Variants in NXPH1 observed in about 807,000 individuals in gnomAD.
The protein encoded by NXPH1 is neurexophilin 1.
In NXPH1, 5 loss-of-function variants were observed where a neutral mutation model predicts 23.7. That is an observed-to-expected ratio of 0.21 (90% CI 0.11 to 0.44). NXPH1 has a LOEUF of 0.44. Ranked by LOEUF, NXPH1 falls within the 20% of genes least tolerant of loss-of-function variation. The probability of loss-of-function intolerance (pLI) is 0.99; values close to 1 mark genes in which losing one functional copy is unlikely to be tolerated. For synonymous variants in NXPH1, 144 were observed against 122.2 expected (o/e 1.18, Z -1.18); for missense variants, 324 against 321.6 (o/e 1.01, Z -0.06).
intron 2 of NXPH1, among the ~76,000 whole-genome samples, chr7:8,578,440 C>T: frequency 6.6e-6 from 1 of 152,212 alleles, no homozygotes; most frequent in Non-Finnish European, 1.5e-5. Context: ...AGCAAATAGA[C>T]AGTTACAATT....
intron 2 of NXPH1, among the ~76,000 whole-genome samples, chr7:8,748,690 C>G (rs968594174): frequency 9.9e-5 from 15 of 152,198 alleles, no homozygotes; most frequent in African/African-American, 3.6e-4. Context: ...CTCGAGCTAG[C>G]AGCCTCAAAG....
intron 2 of NXPH1, among the ~76,000 whole-genome samples, chr7:8,469,241 G>T (rs1313953765): frequency 6.6e-6 from 1 of 151,334 alleles, no homozygotes; most frequent in East Asian, 1.9e-4. Context: ...TAAATTCTTG[G>T]ACTATTTTAG....
chr7:8,446,841 C>T (rs1442940965), intron 2 of NXPH1, among the ~76,000 whole-genome samples: 1 of 151,644 alleles, frequency 6.6e-6, no homozygotes, highest in Non-Finnish European at 1.5e-5. Context: ...GGTTAAAAAT[C>T]ATGGTGACAT....
At chr7:8,455,109 C>T (rs1816572437) in intron 2 of NXPH1, among the ~76,000 whole-genome samples, 1 of 152,058 alleles carries the variant, frequency 6.6e-6, no homozygotes, top group South Asian at 2.1e-4. Flanking sequence ...GGTAACCTTG[C>T]AATCGTATGC....
chr7:8,449,880 G>A (rs1045160915), intron 2 of NXPH1, among the ~76,000 whole-genome samples: 1 of 152,024 alleles, frequency 6.6e-6, no homozygotes, highest in Non-Finnish European at 1.5e-5. Flanking sequence ...TATTCTTTAG[G>A]GACTTCCCAT....
intron 2 of NXPH1, among the ~76,000 whole-genome samples, chr7:8,623,709 C>G (rs2115126678): frequency 6.7e-6 from 1 of 149,976 alleles, no homozygotes; most frequent in African/African-American, 2.5e-5. Context: ...ACTGAGAAGT[C>G]TCATATGTGC....
At chr7:8,693,066 G>C (rs116946334) in intron 2 of NXPH1, among the ~76,000 whole-genome samples, 1 of 152,058 alleles carries the variant, frequency 6.6e-6, no homozygotes, top group South Asian at 2.1e-4. Context: ...GGGGCAAGGA[G>C]GAAAAATTTA....
chr7:8,552,694 A>G (rs1818298628), intron 2 of NXPH1, among the ~76,000 whole-genome samples: 1 of 151,544 alleles, frequency 6.6e-6, no homozygotes, highest in South Asian at 2.1e-4. Context: ...GAAGGCACAG[A>G]AAAATACTCA....
intron 2 of NXPH1, among the ~76,000 whole-genome samples, chr7:8,562,399 G>A (rs759054556): frequency 1.4e-4 from 22 of 151,782 alleles, no homozygotes; most frequent in Non-Finnish European, 2.4e-4. Context: ...TTACAAAAGA[G>A]AGCTTTGTAA....
chr7:8,742,529 C>G (rs1212660046), intron 2 of NXPH1, among the ~76,000 whole-genome samples: 1 of 143,432 alleles, frequency 7.0e-6, no homozygotes, highest in Non-Finnish European at 1.6e-5. Context: ...GGTGATATAT[C>G]TGAATATACT....
At chr7:8,472,475 C>A (rs1170049997) in intron 2 of NXPH1, among the ~76,000 whole-genome samples, 1 of 152,056 alleles carries the variant, frequency 6.6e-6, no homozygotes, top group Non-Finnish European at 1.5e-5. Flanking sequence ...CCAAAGTCAC[C>A]CTGAGTTGGT....
chr7:8,692,428 G>C (rs1292355680), intron 2 of NXPH1, among the ~76,000 whole-genome samples: 1 of 152,122 alleles, frequency 6.6e-6, no homozygotes, highest in South Asian at 2.1e-4. Flanking sequence ...GTTTTGCTTT[G>C]TTGGATGTTT....
At chr7:8,565,344 T>C (rs917901750) in intron 2 of NXPH1, among the ~76,000 whole-genome samples, 2 of 151,796 alleles carry the variant, frequency 1.3e-5, no homozygotes, top group Admixed American at 1.3e-4. Context: ...AAGCACGCAA[T>C]GCAGGATCTT....
intron 2 of NXPH1, among the ~76,000 whole-genome samples, chr7:8,591,913 T>C (rs1355572756): frequency 1.3e-5 from 2 of 151,604 alleles, no homozygotes; most frequent in African/African-American, 2.4e-5. Context: ...TTGTCTGTTG[T>C]CCTTTAATGG....
At chr7:8,688,093 C>T (rs1331309180) in intron 2 of NXPH1, among the ~76,000 whole-genome samples, 1 of 152,006 alleles carries the variant, frequency 6.6e-6, no homozygotes, top group Non-Finnish European at 1.5e-5. Flanking sequence ...TACATTATGA[C>T]TTGCTTCTCC....
rs915747612 is a variant in NXPH1 at position 8,590,934 on chromosome 7, C to T, written c.54+155167C>T. On this transcript the variant is annotated intron_variant, in intron 2 of 2. Transcript: ENST00000405863. ...TTTTTAAAAAAATTACATCGGCTTT[C>T]TGAGGCTATTAGGCTACTCTTCAAT... Among the ~76,000 whole-genome samples the T allele has an allele frequency of 2.0e-5, 3 of 152,018 alleles. 1 individual carries two copies. Among genetic ancestry groups the T allele is most frequent in the Non-Finnish European group, 4.4e-5 (3 of 67,962 alleles).
intron 2 of NXPH1, among the ~76,000 whole-genome samples, chr7:8,645,465 T>G (rs1820383072): frequency 6.6e-6 from 1 of 152,114 alleles, no homozygotes; most frequent in Non-Finnish European, 1.5e-5. Flanking sequence ...CTCTGTGATA[T>G]TCTCCTTTAT....
chr7:8,446,974 A>G (rs1816416585), intron 2 of NXPH1, among the ~76,000 whole-genome samples: 1 of 152,098 alleles, frequency 6.6e-6, no homozygotes, highest in Non-Finnish European at 1.5e-5. Flanking sequence ...TAAATCAGAA[A>G]CAGTGCCGTG....
chr7:8,468,367 C>T (rs1419985131), intron 2 of NXPH1, among the ~76,000 whole-genome samples: 1 of 152,042 alleles, frequency 6.6e-6, no homozygotes, highest in Non-Finnish European at 1.5e-5. Flanking sequence ...AGCCTATTCA[C>T]ATTTTATCTT....
Sources: allele counts gnomAD v4.1 joint callset (sites outside exome capture counted in the v4.1 genomes callset), GRCh38; gene constraint gnomAD v4.1.1; transcripts MANE v1.5; gene names NCBI Gene and HGNC (gene_info 2026-07-23, HGNC 2026-07-21).